Variants in USP10 observed in about 807,000 individuals in gnomAD.
The protein encoded by USP10 is ubiquitin carboxyl-terminal hydrolase 10.
A neutral mutation model predicts 84.5 loss-of-function variants in USP10; 22 were observed. The observed-to-expected ratio is 0.26, with a 90% CI of 0.19 to 0.37. The LOEUF (loss-of-function observed/expected upper bound fraction) is 0.37, where lower values mean the gene tolerates loss of function less well. Ranked by LOEUF, USP10 falls within the 10% of genes least tolerant of loss-of-function variation. The probability of loss-of-function intolerance (pLI) is 1.00; values close to 1 mark genes in which losing one functional copy is unlikely to be tolerated. For missense variants in USP10, 1,019 were observed against 998.9 expected, an observed-to-expected ratio of 1.02 and a Z score of -0.27; for synonymous variants, 454 against 387.6, an observed-to-expected ratio of 1.17 and a Z score of -2.01.
At chr16:84,743,570 C>G (rs529185715) in intron 3 of USP10, among the ~76,000 whole-genome samples, 2 of 152,050 alleles carry the variant, frequency 1.3e-5, no homozygotes, top group Admixed American at 1.3e-4. Context: ...AAAATTGGCC[C>G]CTTAATGCTA....
At chr16:84,713,357 T>A (rs1906558044) in intron 1 of USP10, among the ~76,000 whole-genome samples, 1 of 152,064 alleles carries the variant, frequency 6.6e-6, no homozygotes, top group African/African-American at 2.4e-5. Context: ...TGGGCCATCT[T>A]CTTACACCCA....
At chr16:84,723,525 A>G (rs753586082) in intron 1 of USP10, among the ~76,000 whole-genome samples, 1 of 152,206 alleles carries the variant, frequency 6.6e-6, no homozygotes, top group Non-Finnish European at 1.5e-5. Context: ...AGTCACAATG[A>G]TTGCTATGTA....
At chr16:84,737,573 T>A (rs955995934) in intron 2 of USP10, among the ~76,000 whole-genome samples, 1 of 152,228 alleles carries the variant, frequency 6.6e-6, no homozygotes, top group Admixed American at 6.5e-5. Context: ...GTGCGCTCTT[T>A]TATCAGCTTA....
chr16:84,775,127 A>G, intron 12 of USP10, 33 bp from the exon 13 acceptor site: 2 of 1,603,616 alleles, frequency 1.2e-6, no homozygotes, highest in Non-Finnish European at 8.5e-7. Flanking sequence ...CCTTTCTAAA[A>G]GTGCTTCAAG....
At chr16:84,722,229 C>G (rs1907908655) in intron 1 of USP10, among the ~76,000 whole-genome samples, 1 of 152,210 alleles carries the variant, frequency 6.6e-6, no homozygotes. Context: ...GTTACCTTCA[C>G]CTGACCCAAC....
At chr16:84,700,779 A>G (rs1377231991) in intron 1 of USP10, among the ~76,000 whole-genome samples, 2 of 152,096 alleles carry the variant, frequency 1.3e-5, no homozygotes, top group Non-Finnish European at 2.9e-5. Context: ...CAACTAACGC[A>G]CCCTGCCTGA....
intron 1 of USP10, among the ~76,000 whole-genome samples, chr16:84,725,170 G>A (rs1275577302): frequency 6.6e-6 from 1 of 152,146 alleles, no homozygotes; most frequent in Non-Finnish European, 1.5e-5. Context: ...GAAAGCTCAT[G>A]TTCATTAGCA....
intron 1 of USP10, among the ~76,000 whole-genome samples, chr16:84,702,597 G>A (rs989748707): frequency 1.3e-5 from 2 of 152,092 alleles, no homozygotes; most frequent in Non-Finnish European, 2.9e-5. Context: ...ACTTGTTTAT[G>A]TTGGGAATAA....
chr16:84,700,051 G>C lies in USP10; in HGVS notation c.-40G>C. 1 of 1,361,964 alleles carries C rather than the reference G, an allele frequency of 7.3e-7. No homozygotes were observed. The highest frequency in any genetic ancestry group is 9.7e-7 in the Non-Finnish European group (1 of 1,036,030). The allele number at this position is 1,361,964 out of a possible 1,614,324, so 84.4% of individuals were successfully genotyped here. On this transcript the variant is annotated 5_prime_UTR_variant, in exon 1 of 14. Transcript: ENST00000219473. ...GGCGGCGGCGGGGGAAGCAGCGTGA[G>C]CAGCCGGAGGATCGCGGAGTCCCAA...
chr16:84,753,420 A>T (rs181444605), intron 4 of USP10, among the ~76,000 whole-genome samples: 1 of 152,116 alleles, frequency 6.6e-6, no homozygotes, highest in Admixed American at 6.5e-5. Context: ...CACCTCTATT[A>T]GCTCTTTATT....
intron 1 of USP10, among the ~76,000 whole-genome samples, chr16:84,700,463 A>AGGCGGCCCGGGGGC (rs1904708177): frequency 6.6e-6 from 1 of 151,360 alleles, no homozygotes; most frequent in African/African-American, 2.4e-5. Context: ...CGGCCGGGGG[A>AGGCGGCCCGGGGGC]GGCGGCCCGG....
intron 6 of USP10, 86 bp from the exon 7 acceptor site, chr16:84,759,805 G>A: frequency 7.5e-7 from 1 of 1,332,838 alleles, no homozygotes. Context: ...TCGTATAGCT[G>A]ATATTCTACT....
intron 1 of USP10, among the ~76,000 whole-genome samples, chr16:84,705,424 G>A (rs1905353166): frequency 2.0e-5 from 3 of 151,868 alleles, no homozygotes; most frequent in Admixed American, 2.0e-4. Flanking sequence ...GTAGAGACTG[G>A]GTTTCACCAT....
rs77204762 is a variant in USP10, at chr16:84,755,136, A to G, written c.1193-3580A>G. 7.4e-3 allele frequency among the ~76,000 whole-genome samples: 1,121 copies of G among 151,084 alleles called. 8 individuals carry two copies. Among genetic ancestry groups the G allele is most frequent in the African/African-American group, 0.026 (1,073 of 41,088 alleles). On this transcript the variant is annotated intron_variant, in intron 4 of 13. Transcript: ENST00000219473. ...GTTCGAACGGGTCAACAACGAAGGGAAGTTTCAGGCAGATCTTGTATGCCT... is the reference window on the plus strand; with the variant it reads ...GTTCGAACGGGTCAACAACGAAGGGGAGTTTCAGGCAGATCTTGTATGCCT...
At chr16:84,714,161 C>T (rs777046684) in intron 1 of USP10, among the ~76,000 whole-genome samples, 2 of 151,718 alleles carry the variant, frequency 1.3e-5, no homozygotes, top group East Asian at 1.9e-4. Context: ...AGTTGAGAAG[C>T]GTGGAGGGCT....
intron 10 of USP10, among the ~76,000 whole-genome samples, chr16:84,766,917 T>C (rs1258058527): frequency 6.6e-6 from 1 of 152,136 alleles, no homozygotes; most frequent in Non-Finnish European, 1.5e-5. Flanking sequence ...TCTTCAGATG[T>C]TTTTCAGTTT....
chr16:84,700,562 G>C (rs960308607), intron 1 of USP10, among the ~76,000 whole-genome samples: 2 of 152,154 alleles, frequency 1.3e-5, no homozygotes, highest in Non-Finnish European at 2.9e-5. Flanking sequence ...ATTTGGGGGT[G>C]CCCTGTTGCC....
intron 1 of USP10, among the ~76,000 whole-genome samples, chr16:84,700,881 T>C (rs1362369123): frequency 6.6e-6 from 1 of 152,014 alleles, no homozygotes; most frequent in East Asian, 1.9e-4. Flanking sequence ...GTTAAGCTCT[T>C]ATTCCCCTCT....
chr16:84,778,951 C>A lies in USP10; in HGVS notation c.2266C>A (p.Gln756Lys). ...TGGHYTTDVFQIGLNGWLRID... is the reference protein window; with the variant it reads ...TGGHYTTDVFKIGLNGWLRID... ...CGGCCATTACACTACAGACGTCTTC[C>A]AGATCGGTCTGAATGGCTGGCTGCG... The change falls in exon 14 of 14, where the codon CAG becomes AAG. Residue 756 changes from glutamine (Q) to lysine (K), a missense_variant. Gln to Lys is a moderately conservative substitution (Grantham distance 53, BLOSUM62 1). This residue lies in a region of USP10 where 232 missense variants were observed against 290.1 expected (regional missense o/e 0.80). Coordinates refer to ENST00000219473, the MANE Select transcript of USP10 (RefSeq NM_005153.3). 1 of 1,613,984 alleles carries A rather than the reference C, an allele frequency of 6.2e-7. No homozygotes were observed.
Sources: allele counts gnomAD v4.1 joint callset (sites outside exome capture counted in the v4.1 genomes callset), GRCh38; gene constraint gnomAD v4.1.1; regional missense constraint gnomAD v4.1.1; transcripts MANE v1.5; gene names NCBI Gene and HGNC (gene_info 2026-07-23, HGNC 2026-07-21).